The following ITGAE variants were observed in gnomAD, a reference collection of about 807,000 sequenced individuals.
ITGAE encodes the protein integrin alpha-E.
Under a neutral mutation model 136.5 loss-of-function variants are expected in ITGAE, and 99 were observed. That is an observed-to-expected ratio of 0.73 (90% CI 0.62 to 0.86). ITGAE has a LOEUF of 0.86. Ranked by LOEUF, ITGAE falls within the 40% of genes least tolerant of loss-of-function variation. The pLI is 0.00. For synonymous variants in ITGAE, 613 were observed against 591.8 expected (o/e 1.04, Z -0.52); for missense variants, 1,447 against 1,515.3 (o/e 0.95, Z 0.75).
intron 23 of ITGAE, 132 bp downstream of exon 23, chr17:3,730,972 C>T (rs1412358345): frequency 4.7e-6 from 3 of 636,920 alleles, no homozygotes; most frequent in Non-Finnish European, 8.4e-6. Flanking sequence ...AAACAGATGC[C>T]TTCTGTGGGC....
chr17:3,726,334 C>G lies in ITGAE; in HGVS notation c.3084+1585G>C. ...TGCCAGCACAGTCTGTTTAAGTAAG[C>G]TAAATGTATCTTACTGCCCCGAAAT... is the stretch of plus-strand genomic sequence containing the variant. On this transcript the variant is annotated intron_variant, in intron 26 of 30. Transcript: ENST00000263087. 3 of 1,581,578 alleles carry G rather than the reference C, an allele frequency of 1.9e-6. No individual in the cohort carries two copies. In the South Asian group the frequency reaches 3.4e-5, roughly 18 times the overall value.
At chr17:3,774,731 C>G (rs554956628) in intron 2 of ITGAE, among the ~76,000 whole-genome samples, 98 of 152,248 alleles carry the variant, frequency 6.4e-4, no homozygotes, top group African/African-American at 2.2e-3. Context: ...CACCACTGCA[C>G]TCCAGCCTGG....
intron 2 of ITGAE, among the ~76,000 whole-genome samples, chr17:3,770,406 G>A (rs1472380213): frequency 2.0e-5 from 3 of 151,914 alleles, no homozygotes; most frequent in African/African-American, 4.8e-5. Context: ...CTGGGATTAC[G>A]GGTGTGAGCC....
In ITGAE at chr17:3,777,577, A is replaced by T; in HGVS notation, c.118T>A (p.Ser40Thr). The change falls in exon 2 of 31, where the codon TCC becomes ACC. Residue 40 changes from serine to threonine, a missense_variant. Coordinates refer to ENST00000263087, the MANE Select transcript of ITGAE (RefSeq NM_002208.5). ...GTGCTGGGGTCTTGGTGCAGAAGGG[A>T]GCTGAGCACGAAAGGGGCACCTCCC... ...PKGGAPFVLS[S>T]LLHQDPSTNQ... 1.9e-6 allele frequency: 3 copies of T among 1,613,666 alleles called. No individual in the cohort carries two copies. Among genetic ancestry groups the T allele is most frequent in the Non-Finnish European group, 2.5e-6 (3 of 1,179,806 alleles).
At chr17:3,727,855 A>G (rs1567515043) in intron 26 of ITGAE, 64 bp downstream of exon 26, 1 of 1,031,096 alleles carries the variant, frequency 9.7e-7, no homozygotes, top group South Asian at 1.3e-5. Context: ...TCTGGTTTTT[A>G]TACTTGAGAC....
chr17:3,719,398 C>G (rs2051006818), intron 29 of ITGAE, among the ~76,000 whole-genome samples: 1 of 152,174 alleles, frequency 6.6e-6, no homozygotes, highest in South Asian at 2.1e-4. Context: ...ACTCTCCTGA[C>G]ATTCCCTCTA....
intron 19 of ITGAE, among the ~76,000 whole-genome samples, chr17:3,740,305 G>A (rs2051554147): frequency 6.6e-6 from 1 of 152,246 alleles, no homozygotes; most frequent in Admixed American, 6.5e-5. Flanking sequence ...AGTGGGGGAT[G>A]CCTAGCCAAA....
chr17:3,725,424 G>A, intron 26 of ITGAE: 2 of 1,614,172 alleles, frequency 1.2e-6, no homozygotes, highest in Non-Finnish European at 8.5e-7. Context: ...GGTGTTTGGC[G>A]AAGTGTTTCA....
In ITGAE at chr17:3,760,902, C is replaced by T. The variant is rs556129825; in HGVS notation, c.598+111G>A. ...CTGGTACAGGTCAGGTCTGTAAAGT[C>T]CAGCCACTGCTCCCCATCTCTCAGA... On this transcript the variant is annotated intron_variant, in intron 6 of 30. Transcript: ENST00000263087. 21 of 1,453,644 alleles carry T rather than the reference C, an allele frequency of 1.4e-5. No homozygotes were observed. The Admixed American group carries it at 3.0e-4, about 21-fold the overall frequency. The allele number at this position is 1,453,644 out of a possible 1,614,324, so 90.0% of individuals were successfully genotyped here.
chr17:3,747,052 G>C (rs187336162), intron 17 of ITGAE, among the ~76,000 whole-genome samples: 41 of 152,310 alleles, frequency 2.7e-4, no homozygotes, highest in East Asian at 9.6e-4. Flanking sequence ...ATCGTTCCAG[G>C]GGGGAGCTCT....
At chr17:3,737,067 T>TA (rs1176366170) in intron 20 of ITGAE, among the ~76,000 whole-genome samples, 2 of 151,928 alleles carry the variant, frequency 1.3e-5, no homozygotes, top group Non-Finnish European at 2.9e-5. Context: ...GTGAGGCAGG[T>TA]GGATCACTTG....
At chr17:3,737,378 C>G (rs567830319) in intron 20 of ITGAE, among the ~76,000 whole-genome samples, 1 of 152,042 alleles carries the variant, frequency 6.6e-6, no homozygotes, top group South Asian at 2.1e-4. Context: ...GAAAAAGAGG[C>G]AGGGGAGGGG....
rs560691593 is a variant in ITGAE at position 3,733,667 on chromosome 17, C to T, written c.2655+1150G>A. Among the ~76,000 whole-genome samples the T allele has an allele frequency of 5.3e-5, 8 of 152,290 alleles. No homozygotes were observed. In the South Asian group the frequency reaches 1.5e-3, roughly 28 times the overall value. On this transcript the variant is annotated intron_variant, in intron 21 of 30. Transcript: ENST00000263087. ...AACTCCTGACCTCAGGTGATCCGCC[C>T]GCCTCGGCCTCCCAAAGTGCTGGGA...
intron 1 of ITGAE, chr17:3,784,323 G>A: frequency 2.8e-6 from 1 of 358,948 alleles, no homozygotes; most frequent in South Asian, 2.1e-5. Flanking sequence ...CAAGGATATA[G>A]AAGATATGAA....
intron 17 of ITGAE, among the ~76,000 whole-genome samples, chr17:3,747,058 GC>G (rs1283591375): frequency 1.4e-4 from 21 of 152,204 alleles, no homozygotes; most frequent in African/African-American, 4.8e-4. Flanking sequence ...CCAGGGGGGA[GC>G]TCTTGGATGA....
chr17:3,730,881 C>T (rs1236259496), intron 23 of ITGAE, among the ~76,000 whole-genome samples: 2 of 152,148 alleles, frequency 1.3e-5, no homozygotes, highest in Non-Finnish European at 2.9e-5. Context: ...CAGGCTGTAC[C>T]ACAGTTTTAC....
chr17:3,726,197 A>G, intron 26 of ITGAE: 2 of 1,614,228 alleles, frequency 1.2e-6, no homozygotes, highest in Non-Finnish European at 1.7e-6. Context: ...AGATGCTGAA[A>G]CAAATGACCT....
chr17:3,720,503 T>C (rs1422391819), intron 28 of ITGAE, 101 bp from the exon 29 acceptor site: 7 of 647,968 alleles, frequency 1.1e-5, no homozygotes, highest in African/African-American at 1.8e-5. Context: ...AAGGTATTCC[T>C]GGGCTTAGTT....
At chr17:3,725,425 A>C in intron 26 of ITGAE, 1 of 1,614,230 alleles carries the variant, frequency 6.2e-7, no homozygotes, top group Middle Eastern at 1.6e-4. Flanking sequence ...GTGTTTGGCG[A>C]AGTGTTTCAA....
Sources: gnomAD v4.1 joint callset for allele counts (sites outside exome capture counted in the v4.1 genomes callset) on GRCh38, gnomAD v4.1.1 for gene constraint, MANE v1.5 for transcripts, NCBI Gene and HGNC (gene_info 2026-07-23, HGNC 2026-07-21) for gene names.